Variants in HYOU1 observed in about 807,000 individuals in gnomAD.
The protein encoded by HYOU1 is hypoxia up-regulated protein 1.
HYOU1 carries 40 observed loss-of-function variants against 120.5 expected under a neutral mutation model. The ratio of observed to expected loss-of-function variants is 0.33; its 90% CI spans 0.26 to 0.43. HYOU1 has a LOEUF of 0.43. HYOU1 is among the 20% of genes least tolerant of loss of function. HYOU1 has a pLI of 1.00. For synonymous variants in HYOU1, 501 were observed against 479.4 expected, an observed-to-expected ratio of 1.05 and a Z score of -0.59; for missense variants, 1,085 against 1,278.3, an observed-to-expected ratio of 0.85 and a Z score of 2.31.
In HYOU1 at chr11:119,044,421, T is replaced by C. The variant is rs879127001; in HGVS notation, c.*1172A>G. On this transcript the variant is annotated 3_prime_UTR_variant, in exon 26 of 26. Coordinates refer to ENST00000617285, the MANE Select transcript of HYOU1 (RefSeq NM_006389.5). ...GACACAGCCAGGTTCATTCTTGTCT[T>C]GGAGCTGAGGCAGCAGCCCTAGCTC... 1.3e-5 allele frequency: 2 copies of C among 152,120 alleles called. No individual in the cohort carries two copies. Among genetic ancestry groups the C allele is most frequent in the South Asian group, 4.1e-4 (2 of 4,824 alleles). The allele number at this position is 152,120 out of a possible 1,614,324, so 9.4% of individuals were successfully genotyped here.
In HYOU1 at chr11:119,046,491, CAT is replaced by C. The variant is rs1175565788; in HGVS notation, c.2837-26_2837-25del. 12 of 1,614,034 alleles carry C rather than the reference CAT, an allele frequency of 7.4e-6. No individual in the cohort carries two copies. In the African/African-American group the frequency reaches 1.2e-4, roughly 16 times the overall value. On this transcript the variant is annotated intron_variant, in intron 23 of 25. Transcript: ENST00000617285. ...GCCTAGAAGGAAACCAGGGGTAAGA[CAT>C]AGCCTCAGGAAGGAAAGGAGGCTGT...
chr11:119,049,505 C>T, intron 16 of HYOU1, 51 bp downstream of exon 16: 2 of 1,596,272 alleles, frequency 1.3e-6, no homozygotes, highest in Non-Finnish European at 1.7e-6. Context: ...GCGGCTACTA[C>T]CTGCATCCCC....
intron 1 of HYOU1, chr11:119,056,379 G>GC: frequency 6.1e-6 from 4 of 653,558 alleles, no homozygotes; most frequent in Non-Finnish European, 1.1e-5. Flanking sequence ...AAGTGAAAGA[G>GC]CATGGGTCCT....
rs2133562078 is a variant in HYOU1 at position 119,048,253 on chromosome 11, T to C, written c.2371A>G (p.Thr791Ala). 2.5e-5 allele frequency: 40 copies of C among 1,611,160 alleles called. No individual in the cohort carries two copies. The highest frequency in any genetic ancestry group is 4.0e-5 in the African/African-American group (3 of 74,874). The change falls in exon 20 of 26, where the codon ACA becomes GCA. Residue 791 changes from threonine to alanine, a missense_variant. Thr to Ala is a moderately conservative substitution (Grantham distance 58). Around this residue, in one of 4 missense-constraint regions of HYOU1, gnomAD observed 516 missense variants for 517.1 expected, o/e 1.00. Transcript: ENST00000617285. The surrounding 1 kb of genome is among the most constrained non-coding windows in gnomAD (Gnocchi z 4.7). The part of the protein sequence containing the change: ...WLEDEGVGAT[T>A]VMLKEKLAEL... ...TGTCCTGAGAGGCCCCTCACCACTG[T>C]GGTGGCTCCAACACCCTCATCCTCC...
In HYOU1 at chr11:119,048,882, G is replaced by C; in HGVS notation, c.1997C>G (p.Pro666Arg). 1 of 1,605,288 alleles carries C rather than the reference G, an allele frequency of 6.2e-7. No individual in the cohort carries two copies. The highest frequency in any genetic ancestry group is 8.5e-7 in the Non-Finnish European group (1 of 1,176,262). Residue 666 changes from proline (P) to arginine (R), a missense_variant, in exon 18 of 26, where the codon CCA becomes CGA. By Grantham distance (103) the Pro-to-Arg change is moderately radical (BLOSUM62 -2). Around this residue, in one of 4 missense-constraint regions of HYOU1, gnomAD observed 516 missense variants for 517.1 expected, o/e 1.00. Transcript: ENST00000617285. The surrounding 1 kb of genome is among the most constrained non-coding windows in gnomAD (Gnocchi z 4.7). ...AGGCCCTGCCTCTGCCTTCTCACTTGGTTTCTGGGTGGGAAGAGTCAGGGG... is the reference window on the plus strand; with the variant it reads ...AGGCCCTGCCTCTGCCTTCTCACTTCGTTTCTGGGTGGGAAGAGTCAGGGG... ...ENGDKSEAQK[P>R]SEKAEAGPEG...
Position 119,048,808 on chromosome 11 carries a change from T to C in HYOU1, c.2071A>G (p.Arg691Gly), listed in dbSNP as rs926056665. 6.2e-7 allele frequency: 1 copy of C among 1,614,138 alleles called. No individual in the cohort carries two copies. The highest frequency in any genetic ancestry group is 8.5e-7 in the Non-Finnish European group (1 of 1,180,018). The change falls in exon 18 of 26, where the codon AGG (arginine) becomes GGG (glycine). Residue 691 changes from arginine (R) to glycine (G), a missense_variant. Transcript: ENST00000617285. The surrounding 1 kb of genome is among the most constrained non-coding windows in gnomAD (Gnocchi z 4.7). ...ATCTCCTCTACCATTCGCCGCTTCC[T>C]GGCGGGCTTCTGCTTCTTCTCTCCC... The part of the protein sequence containing the change: ...PEGEKKQKPA[R>G]KRRMVEEIGV...
At position 119,052,367 on chromosome 11, in the gene HYOU1, C is replaced by T. The variant is rs2133592320; in HGVS notation, c.1050G>A (p.Glu350=). Residue 350 remains glutamate (E), a synonymous_variant, in exon 10 of 26, where the codon GAG becomes GAA. Coordinates refer to ENST00000617285, the MANE Select transcript of HYOU1 (RefSeq NM_006389.5). This position sits in a 1 kb window ranked among gnomAD's most constrained non-coding sequence, Gnocchi z 5.0. ...KAKVTRVEFE[E]LCADLFERVP... ...CCCGCTCAAACAAGTCTGCACACAA[C>T]TCCTCAAATTCCACACGAGTCACTT... is the stretch of plus-strand genomic sequence containing the variant. The T allele has an allele frequency of 6.2e-7, 1 of 1,614,252 alleles. No homozygotes were observed.
rs1944413368 is a variant in HYOU1, at chr11:119,051,147, G to A, written c.1553C>T (p.Thr518Ile). 1.2e-6 allele frequency: 2 copies of A among 1,614,198 alleles called. No individual in the cohort carries two copies. The highest frequency in any genetic ancestry group is 1.7e-6 in the Non-Finnish European group (2 of 1,180,034). ...LRVFGSQNLTTVKLKGVGDSF... is the reference protein window; with the variant it reads ...LRVFGSQNLTIVKLKGVGDSF... ...GTCACCCACCCCTTTTAGCTTCACT[G>A]TGGTCAGATTCTGGGAGCCAAATAC... The change falls in exon 14 of 26, where the codon ACA (threonine) becomes ATA (isoleucine). Residue 518 changes from threonine to isoleucine, a missense_variant. Thr to Ile is a moderately conservative substitution (Grantham distance 89). This residue lies in a region of HYOU1 where 515 missense variants were observed against 677.8 expected (regional missense o/e 0.76). Coordinates refer to ENST00000617285, the MANE Select transcript of HYOU1 (RefSeq NM_006389.5). The surrounding 1 kb of genome is among the most constrained non-coding windows in gnomAD (Gnocchi z 4.2).
intron 6 of HYOU1, 100 bp from the exon 7 acceptor site, chr11:119,054,775 T>G: frequency 7.7e-7 from 1 of 1,291,814 alleles, no homozygotes; most frequent in Non-Finnish European, 1.1e-6. Flanking sequence ...AATTCTGTGT[T>G]GTGGGGCTGT....
At chr11:119,046,185 C>T (rs1392062592) in intron 24 of HYOU1, among the ~76,000 whole-genome samples, 1 of 151,336 alleles carries the variant, frequency 6.6e-6, no homozygotes, top group Admixed American at 6.6e-5. Context: ...AGGCTGGTCT[C>T]GAACTCCTGA....
Position 119,049,793 on chromosome 11 carries a change from C to T in HYOU1, c.1710G>A (p.Glu570=), listed in dbSNP as rs2133575674. The T allele has an allele frequency of 5.6e-6, 9 of 1,614,128 alleles. No individual in the cohort carries two copies. Among genetic ancestry groups the T allele is most frequent in the African/African-American group, 1.3e-5 (1 of 75,048 alleles). Residue 570 remains glutamate (E), a synonymous_variant, in exon 15 of 26, where the codon GAG becomes GAA. Transcript: ENST00000617285. Reference sequence around the variant, plus strand: ...TCATCTTACTGGTGAGAGTAGATTCCTCTTCTGCGCTGTCCTCTACCAGTG... The same window carrying T: ...TCATCTTACTGGTGAGAGTAGATTCTTCTTCTGCGCTGTCCTCTACCAGTG... ...FETLVEDSAE[E]ESTLTKLGNT... is the part of the protein sequence containing the mutation.
At chr11:119,050,799 C>T (rs1032564247) in intron 14 of HYOU1, among the ~76,000 whole-genome samples, 12 of 131,622 alleles carry the variant, frequency 9.1e-5, no homozygotes, top group African/African-American at 2.5e-4. Flanking sequence ...AAGAAATTTA[C>T]AATGCCTATA....
Position 119,055,346 on chromosome 11 carries a change from G to A in HYOU1, c.265-7C>T, listed in dbSNP as rs2133612608. On this transcript the variant is annotated splice_region_variant and splice_polypyrimidine_tract_variant and intron_variant, in intron 4 of 25. Transcript: ENST00000617285. This position sits in a 1 kb window ranked among gnomAD's most constrained non-coding sequence, Gnocchi z 4.0. ...CCTTTGGATTCTTAATCGCCTGAGG[G>A]GTGAAGAAGGAGCAGACTAGTATTA... 27 of 1,612,318 alleles carry A rather than the reference G, an allele frequency of 1.7e-5. No individual in the cohort carries two copies. The South Asian group carries it at 2.0e-4, about 12-fold the overall frequency.
Position 119,048,364 on chromosome 11 carries a change from G to A in HYOU1, c.2260C>T (p.Leu754=), listed in dbSNP as rs2133563236. The change falls in exon 20 of 26, where the codon CTG becomes TTG. Residue 754 remains leucine (L), a synonymous_variant. Coordinates refer to ENST00000617285, the MANE Select transcript of HYOU1 (RefSeq NM_006389.5). This position sits in a 1 kb window ranked among gnomAD's most constrained non-coding sequence, Gnocchi z 4.7. ...EAFIFETQDK[L]YQPEYQEVST... Reference sequence around the variant, plus strand: ...ACTTCCTGGTACTCGGGCTGGTACAGCTTGTCCTGGGGAGGGGGACATGTA... The same window carrying A: ...ACTTCCTGGTACTCGGGCTGGTACAACTTGTCCTGGGGAGGGGGACATGTA... The A allele has an allele frequency of 1.2e-6, 2 of 1,609,384 alleles. No homozygotes were observed. Among genetic ancestry groups the A allele is most frequent in the Non-Finnish European group, 1.7e-6 (2 of 1,179,902 alleles).
intron 1 of HYOU1, 75 bp downstream of exon 1, chr11:119,056,945 G>C (rs1056472179): frequency 6.5e-6 from 1 of 153,304 alleles, no homozygotes; most frequent in African/African-American, 2.4e-5. Context: ...TTGCGCTCCC[G>C]ACCCGCCCCC....
chr11:119,048,368 G>C lies in HYOU1; in HGVS notation c.2256C>G (p.Asp752Glu). 6.2e-7 allele frequency: 1 copy of C among 1,609,502 alleles called. No individual in the cohort carries two copies. Among genetic ancestry groups the C allele is most frequent in the Non-Finnish European group, 8.5e-7 (1 of 1,179,856 alleles). The change falls in exon 20 of 26, where the codon GAC becomes GAG. Residue 752 changes from aspartate to glutamate, a missense_variant and splice_region_variant. Physicochemically the swap from Asp to Glu is conservative, Grantham distance 45. This residue lies in a region of HYOU1 where 516 missense variants were observed against 517.1 expected (regional missense o/e 1.00). Coordinates refer to ENST00000617285, the MANE Select transcript of HYOU1 (RefSeq NM_006389.5). The surrounding 1 kb of genome is among the most constrained non-coding windows in gnomAD (Gnocchi z 4.7). ...SLEAFIFETQ[D>E]KLYQPEYQEV... ...CCTGGTACTCGGGCTGGTACAGCTT[G>C]TCCTGGGGAGGGGGACATGTAAACA... is the stretch of plus-strand genomic sequence containing the variant.
Position 119,056,110 on chromosome 11 carries a change from G to T in HYOU1, c.51C>A (p.Ala17=). The T allele has an allele frequency of 6.2e-7, 1 of 1,614,130 alleles. No homozygotes were observed. The highest frequency in any genetic ancestry group is 8.5e-7 in the Non-Finnish European group (1 of 1,180,038). The change falls in exon 2 of 26, where the codon GCC becomes GCA. Residue 17 remains alanine (A), a synonymous_variant. Coordinates refer to ENST00000617285, the MANE Select transcript of HYOU1 (RefSeq NM_006389.5). ...RQRPRRRVCW[A]LVAVLLADLL... is the part of the protein sequence containing the mutation. ...GGTCTGCCAAGAGCACAGCCACCAAGGCCCAACAGACTCGCCTCCTCGGCC... is the reference window on the plus strand; with the variant it reads ...GGTCTGCCAAGAGCACAGCCACCAATGCCCAACAGACTCGCCTCCTCGGCC...
chr11:119,054,904 G>A, intron 6 of HYOU1, 80 bp downstream of exon 6: 4 of 1,435,440 alleles, frequency 2.8e-6, no homozygotes, highest in Non-Finnish European at 1.9e-6. Flanking sequence ...TTCCCTGGGA[G>A]GCAAACTTGC....
chr11:119,050,716 T>C (rs1325786350), intron 14 of HYOU1, among the ~76,000 whole-genome samples: 29 of 54,868 alleles, frequency 5.3e-4, no homozygotes, highest in Non-Finnish European at 7.9e-4. Context: ...GCCAAGACCC[T>C]CTCCAAAAAA....
Sources: allele counts gnomAD v4.1 joint callset (sites outside exome capture counted in the v4.1 genomes callset), GRCh38; gene constraint gnomAD v4.1.1; regional missense constraint gnomAD v4.1.1; non-coding constraint Gnocchi (gnomAD v3.1); transcripts MANE v1.5; gene names NCBI Gene and HGNC (gene_info 2026-07-23, HGNC 2026-07-21).